EBAG9: variants seen among roughly 807,000 people sequenced by gnomAD.
EBAG9 encodes receptor-binding cancer antigen expressed on SiSo cells.
In EBAG9, 16 loss-of-function variants were observed where a neutral mutation model predicts 30.9. The ratio of observed to expected loss-of-function variants is 0.52; its 90% CI spans 0.35 to 0.79. The LOEUF (loss-of-function observed/expected upper bound fraction) is 0.79. Ranked by LOEUF, EBAG9 falls within the 30% of genes least tolerant of loss-of-function variation. The probability of loss-of-function intolerance (pLI) is 0.01; values close to 1 mark genes in which losing one functional copy is unlikely to be tolerated. For missense variants in EBAG9, 197 were observed against 242.1 expected, an observed-to-expected ratio of 0.81 and a Z score of 1.24; for synonymous variants, 93 against 82.8, an observed-to-expected ratio of 1.12 and a Z score of -0.67.
chr8:109,551,286 T>C (rs1821489106), intron 2 of EBAG9, among the ~76,000 whole-genome samples: 1 of 152,006 alleles, frequency 6.6e-6, no homozygotes, highest in Non-Finnish European at 1.5e-5. Flanking sequence ...ACTACAATAG[T>C]GTTGTTTTTA....
intron 6 of EBAG9, chr8:109,563,670 G>C (rs1383931250): frequency 2.2e-6 from 2 of 922,542 alleles, no homozygotes; most frequent in African/African-American, 1.7e-5. Flanking sequence ...GGGGTTTGTC[G>C]TACAGATATT....
At position 109,565,195 on chromosome 8, in the gene EBAG9, A is replaced by G. The variant is rs1460403990; in HGVS notation, c.*636A>G. ...GTACATCATTATTTTCTTTTGGATT[A>G]GTGTTGTCATACATGTAATTTATAT... On this transcript the variant is annotated 3_prime_UTR_variant, in exon 7 of 7. Coordinates refer to ENST00000337573, the MANE Select transcript of EBAG9 (RefSeq NM_004215.5). 3.9e-5 allele frequency: 6 copies of G among 152,550 alleles called. No homozygotes were observed. Among genetic ancestry groups the G allele is most frequent in the Non-Finnish European group, 7.4e-5 (5 of 67,978 alleles). The allele number at this position is 152,550 out of a possible 1,614,324, so 9.4% of individuals were successfully genotyped here.
chr8:109,547,068 C>CA (rs1159129979), intron 1 of EBAG9, among the ~76,000 whole-genome samples: 4 of 151,992 alleles, frequency 2.6e-5, no homozygotes, highest in African/African-American at 9.7e-5. Flanking sequence ...GCTCTGTCAC[C>CA]AGGCTGAAGT....
At chr8:109,560,029 C>A (rs944662637) in intron 5 of EBAG9, among the ~76,000 whole-genome samples, 1 of 152,084 alleles carries the variant, frequency 6.6e-6, no homozygotes, top group African/African-American at 2.4e-5. Context: ...TCAAAACATT[C>A]TATTTCATTT....
At chr8:109,553,729 T>A in intron 2 of EBAG9, 136 bp from the exon 3 acceptor site, 1 of 640,408 alleles carries the variant, frequency 1.6e-6, no homozygotes, top group Non-Finnish European at 2.6e-6. Context: ...AATTAGTGAG[T>A]AACTGTTACT....
chr8:109,560,111 C>G (rs1821681994), intron 5 of EBAG9, among the ~76,000 whole-genome samples: 1 of 152,062 alleles, frequency 6.6e-6, no homozygotes, highest in Non-Finnish European at 1.5e-5. Flanking sequence ...TTATTTTACA[C>G]ACAGTCACTT....
At chr8:109,563,942 C>G (rs1821762876) in intron 6 of EBAG9, among the ~76,000 whole-genome samples, 1 of 151,984 alleles carries the variant, frequency 6.6e-6, no homozygotes, top group African/African-American at 2.4e-5. Context: ...TTTCCATTTT[C>G]TTTTTGGAGC....
chr8:109,546,855 G>GT (rs1181788347), intron 1 of EBAG9, among the ~76,000 whole-genome samples: 1 of 152,084 alleles, frequency 6.6e-6, no homozygotes, highest in Non-Finnish European at 1.5e-5. Flanking sequence ...GCTATTACTT[G>GT]TAACAATAGT....
Position 109,561,541 on chromosome 8 carries a change from A to G in EBAG9, c.521+612A>G, listed in dbSNP as rs147900671. 1.5e-3 allele frequency among the ~76,000 whole-genome samples: 227 copies of G among 152,218 alleles called. 2 individuals are homozygous for G. Among genetic ancestry groups the G allele is most frequent in the African/African-American group, 5.2e-3 (218 of 41,554 alleles). ...TTCTTAGTACTGCTACATTAGGTCAAAGAGTAAAGAGAAAATTTATCTTAA... is the reference window on the plus strand; with the variant it reads ...TTCTTAGTACTGCTACATTAGGTCAGAGAGTAAAGAGAAAATTTATCTTAA... On this transcript the variant is annotated intron_variant, in intron 6 of 6. Transcript: ENST00000337573.
intron 1 of EBAG9, among the ~76,000 whole-genome samples, chr8:109,546,810 T>C (rs1327836371): frequency 6.6e-6 from 1 of 152,164 alleles, no homozygotes; most frequent in Non-Finnish European, 1.5e-5. Context: ...GTCTGACTCT[T>C]TTCATTCAGT....
At chr8:109,560,815 T>A (rs1438897236) in intron 5 of EBAG9, 23 bp from the exon 6 acceptor site, 1 of 1,568,536 alleles carries the variant, frequency 6.4e-7, no homozygotes, top group East Asian at 2.2e-5. Context: ...ACTCTCTTAA[T>A]TTTGTTTTAC....
At chr8:109,553,354 TA>T in intron 2 of EBAG9, among the ~76,000 whole-genome samples, 1 of 152,352 alleles carries the variant, frequency 6.6e-6, no homozygotes, top group Non-Finnish European at 1.5e-5. Context: ...ACAACTGAGT[TA>T]TAGTACGTCC....
At chr8:109,551,593 T>A (rs933116663) in intron 2 of EBAG9, among the ~76,000 whole-genome samples, 38 of 152,318 alleles carry the variant, frequency 2.5e-4, no homozygotes, top group Non-Finnish European at 2.2e-4. Context: ...CAACTCAAAG[T>A]AGTTCACATT....
intron 6 of EBAG9, chr8:109,563,316 A>AGG (rs1821745407): frequency 6.6e-7 from 1 of 1,504,632 alleles, no homozygotes; most frequent in African/African-American, 1.4e-5. Flanking sequence ...AATGTTGCCT[A>AGG]TTCCATGCCC....
Position 109,564,601 on chromosome 8 carries a change from C to T in EBAG9, c.*42C>T. ...ATCATGCCAGTAGGAGAAATCTCAG[C>T]TCCACAACCCAAGCAACATTTGTAT... is the stretch of plus-strand genomic sequence containing the variant. On this transcript the variant is annotated 3_prime_UTR_variant, in exon 7 of 7. Coordinates refer to ENST00000337573, the MANE Select transcript of EBAG9 (RefSeq NM_004215.5). The T allele has an allele frequency of 6.2e-7, 1 of 1,604,628 alleles. No individual in the cohort carries two copies. Among genetic ancestry groups the T allele is most frequent in the Non-Finnish European group, 8.5e-7 (1 of 1,174,912 alleles).
At chr8:109,560,212 G>A (rs979811530) in intron 5 of EBAG9, among the ~76,000 whole-genome samples, 12 of 152,110 alleles carry the variant, frequency 7.9e-5, no homozygotes, top group African/African-American at 2.9e-4. Context: ...GGGAAATAGA[G>A]GTAGGGACCA....
At chr8:109,555,033 T>C in intron 4 of EBAG9, 146 bp downstream of exon 4, 1 of 791,912 alleles carries the variant, frequency 1.3e-6, no homozygotes, top group Non-Finnish European at 1.9e-6. Flanking sequence ...GTGCACAACA[T>C]GCAGGTTAGT....
upstream of EBAG9, chr8:109,539,706 T>A (rs1821229795): frequency 2.6e-5 from 4 of 152,430 alleles, no homozygotes; most frequent in South Asian, 4.1e-4. Flanking sequence ...GGGGGCGGGT[T>A]TCCCGATGAA....
rs1402484599 is a variant in EBAG9 at position 109,565,043 on chromosome 8, G to T, written c.*484G>T. ...TTTCTTATTTTTGTCAAAAGTTGGT[G>T]TTGACATACATTCCCTCTAATTTGA... is the stretch of plus-strand genomic sequence containing the variant. On this transcript the variant is annotated 3_prime_UTR_variant, in exon 7 of 7. Coordinates refer to ENST00000337573, the MANE Select transcript of EBAG9 (RefSeq NM_004215.5). The T allele has an allele frequency of 6.6e-6, 1 of 152,434 alleles. No individual in the cohort carries two copies. Among genetic ancestry groups the T allele is most frequent in the Non-Finnish European group, 1.5e-5 (1 of 67,942 alleles). The allele number at this position is 152,434 out of a possible 1,614,324, so 9.4% of individuals were successfully genotyped here. A position where few individuals can be genotyped will look rare whatever the true frequency, so the allele number is the denominator to read the frequency against.
Sources: allele counts gnomAD v4.1 joint callset (sites outside exome capture counted in the v4.1 genomes callset), GRCh38; gene constraint gnomAD v4.1.1; transcripts MANE v1.5; gene names NCBI Gene and HGNC (gene_info 2026-07-23, HGNC 2026-07-21).